The following OPCML variants were observed in gnomAD, a reference collection of about 807,000 sequenced individuals.
The protein encoded by OPCML is opioid-binding protein/cell adhesion molecule.
Under a neutral mutation model 37.8 loss-of-function variants are expected in OPCML, and 13 were observed. The observed-to-expected ratio is 0.34, with a 90% CI of 0.22 to 0.55. The LOEUF is 0.55. OPCML is among the 20% of genes least tolerant of loss of function. The pLI is 0.91. For synonymous variants in OPCML, 176 were observed against 168.8 expected (o/e 1.04, Z -0.33); for missense variants, 341 against 435.6 (o/e 0.78, Z 1.93).
chr11:133,452,945 A>G (rs2136961949), intron 1 of OPCML, among the ~76,000 whole-genome samples: 1 of 152,222 alleles, frequency 6.6e-6, no homozygotes, highest in East Asian at 1.9e-4. Context: ...TCTTAACCAA[A>G]TGTATACTAT....
At chr11:132,971,370 G>A (rs1946339975) in intron 1 of OPCML, among the ~76,000 whole-genome samples, 1 of 152,118 alleles carries the variant, frequency 6.6e-6, no homozygotes. Flanking sequence ...TTTCTAACAT[G>A]CTAAAATGAA....
At chr11:133,079,131 G>T (rs844517) in intron 1 of OPCML, among the ~76,000 whole-genome samples, 4 of 152,206 alleles carry the variant, frequency 2.6e-5, no homozygotes, top group African/African-American at 9.6e-5. Context: ...CGGGCCCCTG[G>T]CTCTCTCTGG....
intron 2 of OPCML, among the ~76,000 whole-genome samples, chr11:132,872,751 G>C (rs1341504288): frequency 6.6e-6 from 1 of 152,158 alleles, no homozygotes; most frequent in Non-Finnish European, 1.5e-5. Context: ...AAGAATGTGA[G>C]CGGGTGAATA....
At chr11:132,793,256 C>T (rs1333208001) in intron 2 of OPCML, among the ~76,000 whole-genome samples, 3 of 152,156 alleles carry the variant, frequency 2.0e-5, no homozygotes, top group South Asian at 2.1e-4. Flanking sequence ...GGACGACCAC[C>T]GCCTTAAATC....
intron 2 of OPCML, among the ~76,000 whole-genome samples, chr11:132,911,672 C>T (rs2725434): frequency 0.55 from 83,339 of 152,110 alleles, 24,610 homozygotes; most frequent in African/African-American, 0.77. Context: ...CTCCTCTGTC[C>T]TCACACTCCA....
intron 2 of OPCML, among the ~76,000 whole-genome samples, chr11:132,685,744 G>A (rs1398147010): frequency 2.0e-5 from 3 of 152,148 alleles, no homozygotes; most frequent in Non-Finnish European, 4.4e-5. Flanking sequence ...AATAAACACA[G>A]TTCCTGAGAA....
intron 1 of OPCML, among the ~76,000 whole-genome samples, chr11:133,088,727 T>C (rs1450176329): frequency 1.3e-5 from 2 of 152,228 alleles, no homozygotes; most frequent in Non-Finnish European, 2.9e-5. Context: ...CAAGATATGC[T>C]TCTGACAAAC....
intron 3 of OPCML, among the ~76,000 whole-genome samples, chr11:132,584,767 G>T (rs1472074632): frequency 6.6e-6 from 1 of 152,196 alleles, no homozygotes; most frequent in East Asian, 1.9e-4. Flanking sequence ...ATGTAACAAT[G>T]TAATTGGGCA....
chr11:132,437,084 G>A, intron 5 of OPCML, 138 bp downstream of exon 5: 1 of 1,413,390 alleles, frequency 7.1e-7, no homozygotes, highest in South Asian at 1.4e-5. Flanking sequence ...GGCCATGGTG[G>A]GCAAAGCCAT....
At chr11:132,962,540 A>G (rs1369734454) in intron 1 of OPCML, among the ~76,000 whole-genome samples, 1 of 152,232 alleles carries the variant, frequency 6.6e-6, no homozygotes, top group Non-Finnish European at 1.5e-5. Flanking sequence ...TTGTGGACCA[A>G]AGGAAAACCC....
chr11:133,047,365 C>G (rs555248041), intron 1 of OPCML, among the ~76,000 whole-genome samples: 88 of 152,232 alleles, frequency 5.8e-4, no homozygotes, highest in East Asian at 7.7e-4. Context: ...CTGGTGTAGC[C>G]GCGATTGCAT....
At position 133,207,119 on chromosome 11, in the gene OPCML, T is replaced by TAAA. The variant is rs71038525; in HGVS notation, c.62-264112_62-264110dup. 1.0e-3 allele frequency among the ~76,000 whole-genome samples: 103 copies of TAAA among 99,668 alleles called. 1 individual carries two copies. Among genetic ancestry groups the TAAA allele is most frequent in the South Asian group, 5.3e-3 (15 of 2,834 alleles). 65.4% of individuals were successfully genotyped at this position (99,668 alleles called of 152,430 possible). Reference sequence around the variant, plus strand: ...TGGCTAACACGGTGAAACCCTCTACTAAAAAAAAAAAAAAAAAAAAAATAC... The same window carrying TAAA: ...TGGCTAACACGGTGAAACCCTCTACTAAAAAAAAAAAAAAAAAAAAAAAAATAC... On this transcript the variant is annotated intron_variant, in intron 1 of 7. Coordinates refer to ENST00000524381, the MANE Select transcript of OPCML (RefSeq NM_001012393.5).
At chr11:133,492,055 A>G (rs1275451629) in intron 1 of OPCML, among the ~76,000 whole-genome samples, 2 of 152,198 alleles carry the variant, frequency 1.3e-5, no homozygotes, top group Admixed American at 6.5e-5. Flanking sequence ...CATCCACAGA[A>G]GGAACACATG....
intron 1 of OPCML, among the ~76,000 whole-genome samples, chr11:133,367,280 A>G (rs1369470210): frequency 6.6e-6 from 1 of 152,192 alleles, no homozygotes; most frequent in African/African-American, 2.4e-5. Flanking sequence ...CCCAGCCGGA[A>G]TGCAGGAGTC....
intron 1 of OPCML, among the ~76,000 whole-genome samples, chr11:133,048,466 C>T (rs946060686): frequency 2.6e-5 from 4 of 152,054 alleles, no homozygotes; most frequent in Non-Finnish European, 4.4e-5. Context: ...TACCACTTAG[C>T]GCCAGAAACT....
At chr11:133,089,516 G>A (rs1438943967) in intron 1 of OPCML, among the ~76,000 whole-genome samples, 2 of 152,142 alleles carry the variant, frequency 1.3e-5, no homozygotes, top group Non-Finnish European at 2.9e-5. Flanking sequence ...CCAGGCAATA[G>A]CAACATACTC....
At chr11:132,982,602 G>C (rs898092642) in intron 1 of OPCML, among the ~76,000 whole-genome samples, 1 of 151,980 alleles carries the variant, frequency 6.6e-6, no homozygotes, top group Non-Finnish European at 1.5e-5. Flanking sequence ...GGCAAGGGGA[G>C]CTGGGTTCTT....
chr11:132,802,779 A>G (rs187202759), intron 2 of OPCML, among the ~76,000 whole-genome samples: 3 of 152,268 alleles, frequency 2.0e-5, no homozygotes, highest in Non-Finnish European at 2.9e-5. Flanking sequence ...TTCCAGGGCC[A>G]TAGTAGAGCA....
chr11:132,638,133 C>A (rs1591655675), intron 3 of OPCML, among the ~76,000 whole-genome samples: 1 of 136,462 alleles, frequency 7.3e-6, no homozygotes, highest in East Asian at 2.3e-4. Context: ...AATCACTTTT[C>A]TTCAGAAAGC....
Sources: allele counts gnomAD v4.1 joint callset (sites outside exome capture counted in the v4.1 genomes callset), GRCh38; gene constraint gnomAD v4.1.1; transcripts MANE v1.5; gene names NCBI Gene and HGNC (gene_info 2026-07-23, HGNC 2026-07-21).